The following ZFHX3 variants were observed in gnomAD, a reference collection of about 807,000 sequenced individuals.
The protein encoded by ZFHX3 is zinc finger homeobox 3.
In ZFHX3, 42 loss-of-function variants were observed where a neutral mutation model predicts 279.1. That is an observed-to-expected ratio of 0.15 (90% CI 0.12 to 0.19). ZFHX3 has a LOEUF of 0.19. Among genes scored for constraint, ZFHX3 ranks in the 10% least tolerant of loss-of-function variants. The probability of loss-of-function intolerance (pLI) is 1.00; values close to 1 mark genes in which losing one functional copy is unlikely to be tolerated. For synonymous variants in ZFHX3, 2,293 were observed against 1,957.8 expected (o/e 1.17, Z -4.52); for missense variants, 4,981 against 4,754.0 (o/e 1.05, Z -1.40).
intron 1 of ZFHX3, among the ~76,000 whole-genome samples, chr16:73,874,231 G>A (rs1418449675): frequency 6.6e-6 from 1 of 151,910 alleles, no homozygotes; most frequent in Non-Finnish European, 1.5e-5. Flanking sequence ...GCATATTTAG[G>A]AAGAAAAAAG....
chr16:73,397,825 T>A (rs896730044), intron 3 of ZFHX3, among the ~76,000 whole-genome samples: 4 of 151,756 alleles, frequency 2.6e-5, no homozygotes, highest in Non-Finnish European at 5.9e-5. Context: ...GGGGGGGACA[T>A]CAAGAGGCCT....
chr16:73,852,767 T>C (rs193183715), intron 1 of ZFHX3, among the ~76,000 whole-genome samples: 1 of 152,314 alleles, frequency 6.6e-6, no homozygotes, highest in African/African-American at 2.4e-5. Context: ...GTGATCCTGT[T>C]GGCTAGGATT....
intron 4 of ZFHX3, among the ~76,000 whole-genome samples, chr16:73,308,492 T>C (rs2015246403): frequency 6.6e-6 from 1 of 151,858 alleles, no homozygotes; most frequent in South Asian, 2.1e-4. Flanking sequence ...GGTTTCACCA[T>C]GTTTTCCAGG....
chr16:73,599,715 C>T (rs2052090502), intron 2 of ZFHX3, among the ~76,000 whole-genome samples: 1 of 134,822 alleles, frequency 7.4e-6, no homozygotes, highest in South Asian at 2.6e-4. Flanking sequence ...ATAATAAATT[C>T]CAGATTAAAA....
Position 72,786,403 on chromosome 16 carries a change from G to A in ZFHX3, c.*761C>T, listed in dbSNP as rs1045362444. Reference sequence around the variant, plus strand: ...TACAAGTCCTCAACACTCTTTGTGTGTGTGGGTTATTATTTTTTTTTTTTT... The same window carrying A: ...TACAAGTCCTCAACACTCTTTGTGTATGTGGGTTATTATTTTTTTTTTTTT... On this transcript the variant is annotated 3_prime_UTR_variant, in exon 10 of 10. Transcript: ENST00000268489. 1.3e-4 allele frequency: 19 copies of A among 149,564 alleles called. No individual in the cohort carries two copies. The Admixed American group carries it at 1.3e-3, about 10-fold the overall frequency. The allele number at this position is 149,564 out of a possible 1,614,324, so 9.3% of individuals were successfully genotyped here.
chr16:73,255,733 G>T (rs919443933), intron 5 of ZFHX3, among the ~76,000 whole-genome samples: 1 of 152,156 alleles, frequency 6.6e-6, no homozygotes, highest in African/African-American at 2.4e-5. Flanking sequence ...GTCTTTTTAG[G>T]GGTCCCTGTG....
intron 2 of ZFHX3, among the ~76,000 whole-genome samples, chr16:73,533,884 A>G (rs1471603002): frequency 1.3e-5 from 2 of 151,976 alleles, no homozygotes; most frequent in Admixed American, 6.5e-5. Context: ...TTATCTCCCC[A>G]TTGCTGCCAC....
intron 3 of ZFHX3, among the ~76,000 whole-genome samples, chr16:73,372,411 T>C (rs2016646690): frequency 6.6e-6 from 1 of 152,184 alleles, no homozygotes; most frequent in Non-Finnish European, 1.5e-5. Flanking sequence ...ACGCAAGTCA[T>C]TTGTCACGAA....
At chr16:73,571,804 C>T (rs938740284) in intron 2 of ZFHX3, among the ~76,000 whole-genome samples, 4 of 151,986 alleles carry the variant, frequency 2.6e-5, no homozygotes, top group South Asian at 2.1e-4. Flanking sequence ...TTTTGGTTGT[C>T]GTGAAAGGGG....
rs550610905 is a variant in ZFHX3 at position 73,317,741 on chromosome 16, C to T, written c.-1194+499G>A. Among the ~76,000 whole-genome samples, 11 of 152,224 alleles carry T rather than the reference C, an allele frequency of 7.2e-5. No homozygotes were observed. The South Asian group carries it at 2.1e-3, about 29-fold the overall frequency. ...TGCGCGGCATCAAATACTCATCAAACGGCGGCCAGTAAATTAATCTTTCAT... is the reference window on the plus strand; with the variant it reads ...TGCGCGGCATCAAATACTCATCAAATGGCGGCCAGTAAATTAATCTTTCAT... On this transcript the variant is annotated intron_variant, in intron 4 of 17. Coordinates refer to the ZFHX3 transcript ENST00000641206.
intron 2 of ZFHX3, among the ~76,000 whole-genome samples, chr16:73,608,416 A>C (rs1238444932): frequency 6.6e-6 from 1 of 152,230 alleles, no homozygotes; most frequent in Non-Finnish European, 1.5e-5. Context: ...GTTGGAATAT[A>C]ATTCAGCTGA....
chr16:73,413,260 C>T lies in ZFHX3; in HGVS notation c.-1291+42743G>A, dbSNP rs148344152. Among the ~76,000 whole-genome samples the T allele has an allele frequency of 2.0e-5, 3 of 152,304 alleles. No individual in the cohort carries two copies. The East Asian group carries it at 5.8e-4, about 29-fold the overall frequency. On this transcript the variant is annotated intron_variant, in intron 3 of 17. Coordinates refer to the ZFHX3 transcript ENST00000641206. ...TGGGATTCCCCAGGCATTCCAGACA[C>T]AGAACAGAGCAAAGAACAGCACAGG...
At chr16:72,933,789 A>G (rs1338200591) in intron 3 of ZFHX3, among the ~76,000 whole-genome samples, 1 of 141,864 alleles carries the variant, frequency 7.0e-6, no homozygotes, top group East Asian at 2.0e-4. Context: ...TGTTGTTATT[A>G]TGAAATGTTT....
chr16:73,403,626 G>A (rs953326527), intron 3 of ZFHX3, among the ~76,000 whole-genome samples: 3 of 152,146 alleles, frequency 2.0e-5, no homozygotes, highest in Non-Finnish European at 4.4e-5. Context: ...CAAAAGTACC[G>A]TGGAGTTGAA....
intron 7 of ZFHX3, chr16:73,094,463 C>T (rs1966132003): frequency 6.6e-6 from 1 of 151,568 alleles, no homozygotes; most frequent in Admixed American, 6.6e-5. Context: ...TTGTCTTATT[C>T]CTGACTTTGT....
chr16:73,878,935 GATAAGATAT>G (rs2030045576), intron 1 of ZFHX3, among the ~76,000 whole-genome samples: 2 of 113,346 alleles, frequency 1.8e-5, no homozygotes, highest in African/African-American at 8.6e-5. Context: ...GTTCAAAAAA[GATAAGATAT>G]ATATATATAT....
chr16:72,942,895 A>G (rs1960478084), intron 3 of ZFHX3, among the ~76,000 whole-genome samples: 1 of 152,238 alleles, frequency 6.6e-6, no homozygotes, highest in South Asian at 2.1e-4. Flanking sequence ...TTTGGGGAAC[A>G]TGCCAGAGAG....
chr16:73,719,838 G>A (rs1282589047), intron 1 of ZFHX3, among the ~76,000 whole-genome samples: 1 of 149,254 alleles, frequency 6.7e-6, no homozygotes, highest in Non-Finnish European at 1.5e-5. Flanking sequence ...TCTCCGTGTT[G>A]GTCAGGCTGG....
intron 1 of ZFHX3, among the ~76,000 whole-genome samples, chr16:73,041,726 A>G (rs1597126797): frequency 6.6e-6 from 1 of 152,132 alleles, no homozygotes; most frequent in Non-Finnish European, 1.5e-5. Context: ...CCAAAAGTTG[A>G]CCTGACACTT....
Sources: gnomAD v4.1 joint callset for allele counts (sites outside exome capture counted in the v4.1 genomes callset) on GRCh38, gnomAD v4.1.1 for gene constraint, MANE v1.5 for transcripts, NCBI Gene and HGNC (gene_info 2026-07-23, HGNC 2026-07-21) for gene names.